Variants in LIPK observed in about 807,000 individuals in gnomAD.
LIPK encodes the protein lipase family member K.
LIPK carries 32 observed loss-of-function variants against 48.6 expected under a neutral mutation model. The observed-to-expected ratio is 0.66, with a 90% CI of 0.50 to 0.88. The LOEUF (loss-of-function observed/expected upper bound fraction) is 0.88, where lower values mean the gene tolerates loss of function less well. LIPK is among the 40% of genes least tolerant of loss of function. LIPK has a pLI of 0.00. For missense variants in LIPK, 507 were observed against 478.5 expected, an observed-to-expected ratio of 1.06 and a Z score of -0.56; for synonymous variants, 164 against 157.4, an observed-to-expected ratio of 1.04 and a Z score of -0.32.
intron 8 of LIPK, among the ~76,000 whole-genome samples, chr10:88,740,663 C>T (rs1312026175): frequency 1.3e-5 from 2 of 152,184 alleles, no homozygotes; most frequent in African/African-American, 2.4e-5. Flanking sequence ...CACGTGCATG[C>T]ACATTCATTT....
At position 88,743,106 on chromosome 10, in the gene LIPK, T is replaced by C. The variant is rs1210271351; in HGVS notation, c.889-144T>C. On this transcript the variant is annotated intron_variant, in intron 8 of 9. Transcript: ENST00000404190. ...CGATAAGATTTATCATTTTTATTACTTATTTTCTTAATCTTTATTGAAATT... is the reference window on the plus strand; with the variant it reads ...CGATAAGATTTATCATTTTTATTACCTATTTTCTTAATCTTTATTGAAATT... 5.5e-6 allele frequency: 3 copies of C among 546,740 alleles called. No homozygotes were observed. In the African/African-American group the frequency reaches 5.7e-5, roughly 10 times the overall value. The allele number at this position is 546,740 out of a possible 1,614,324, so 33.9% of individuals were successfully genotyped here. A position where few individuals can be genotyped will look rare whatever the true frequency, so the allele number is the denominator to read the frequency against.
chr10:88,720,549 G>T (rs1458566995), intron 1 of LIPK, among the ~76,000 whole-genome samples: 1 of 152,116 alleles, frequency 6.6e-6, no homozygotes, highest in Admixed American at 6.6e-5. Context: ...CGGCAGAAAA[G>T]TAGGTTAAAT....
chr10:88,735,830 G>C (rs772152284), intron 6 of LIPK, among the ~76,000 whole-genome samples: 6 of 152,202 alleles, frequency 3.9e-5, no homozygotes, highest in Non-Finnish European at 7.4e-5. Context: ...CTGCTGGCTG[G>C]CCTGCATTAA....
intron 1 of LIPK, among the ~76,000 whole-genome samples, chr10:88,717,298 T>C (rs958132865): frequency 1.3e-5 from 2 of 152,210 alleles, no homozygotes; most frequent in Admixed American, 6.5e-5. Flanking sequence ...TCCTTAACTT[T>C]GCTTGAGTTA....
intron 6 of LIPK, among the ~76,000 whole-genome samples, chr10:88,734,139 C>T (rs1208150556): frequency 6.6e-6 from 1 of 152,202 alleles, no homozygotes; most frequent in Non-Finnish European, 1.5e-5. Context: ...ATATGACCTA[C>T]TAATTCCTAG....
intron 6 of LIPK, 56 bp from the exon 7 acceptor site, chr10:88,737,579 T>C: frequency 1.9e-6 from 3 of 1,580,732 alleles, no homozygotes; most frequent in Non-Finnish European, 2.6e-6. Context: ...TATCTCTTTC[T>C]CCACTTTTGA....
At chr10:88,742,382 A>G (rs571062089) in intron 8 of LIPK, among the ~76,000 whole-genome samples, 4 of 152,358 alleles carry the variant, frequency 2.6e-5, no homozygotes, top group South Asian at 4.1e-4. Flanking sequence ...GATGAGAATA[A>G]TTTTAAACTA....
chr10:88,727,855 G>GTGGTTCC (rs1842376166), intron 3 of LIPK: 1 of 370,930 alleles, frequency 2.7e-6, no homozygotes, highest in Non-Finnish European at 5.2e-6. Context: ...TTGACAAAGT[G>GTGGTTCC]TGGTTCCTGG....
intron 7 of LIPK, 142 bp downstream of exon 7, chr10:88,737,923 T>A (rs1842607434): frequency 1.2e-6 from 1 of 851,686 alleles, no homozygotes; most frequent in South Asian, 1.7e-5. Flanking sequence ...TGGCTTCCAA[T>A]GAGGGTTGAG....
chr10:88,716,716 T>C (rs1842126657), intron 1 of LIPK, among the ~76,000 whole-genome samples: 1 of 151,966 alleles, frequency 6.6e-6, no homozygotes, highest in African/African-American at 2.4e-5. Context: ...GATTCTGGAA[T>C]TGAAATAAAA....
chr10:88,710,116 T>C (rs1040939789), intron 1 of LIPK, among the ~76,000 whole-genome samples: 2 of 151,882 alleles, frequency 1.3e-5, no homozygotes, highest in Non-Finnish European at 2.9e-5. Flanking sequence ...TTAATGGACT[T>C]ATCTACAAGA....
chr10:88,735,295 A>G (rs1178408323), intron 6 of LIPK, among the ~76,000 whole-genome samples: 1 of 152,014 alleles, frequency 6.6e-6, no homozygotes, highest in Non-Finnish European at 1.5e-5. Context: ...TTGTCATTCT[A>G]CTTTCTTTCT....
chr10:88,730,414 C>T (rs1046740047), intron 3 of LIPK, among the ~76,000 whole-genome samples: 1 of 152,034 alleles, frequency 6.6e-6, no homozygotes, highest in Non-Finnish European at 1.5e-5. Context: ...CTCAGCCTCC[C>T]GAGTAGCTGG....
chr10:88,716,821 T>C (rs1842128581), intron 1 of LIPK, among the ~76,000 whole-genome samples: 1 of 152,120 alleles, frequency 6.6e-6, no homozygotes, highest in South Asian at 2.1e-4. Context: ...TCCTGAAGGC[T>C]TGAGGGAATA....
chr10:88,717,863 A>AGGC (rs1564974817), intron 1 of LIPK, among the ~76,000 whole-genome samples: 3 of 151,912 alleles, frequency 2.0e-5, no homozygotes, highest in Non-Finnish European at 2.9e-5. Context: ...CAGGTTGCCT[A>AGGC]AACTTGTATT....
chr10:88,732,990 T>A (rs1395708157), intron 6 of LIPK, among the ~76,000 whole-genome samples: 2 of 152,262 alleles, frequency 1.3e-5, no homozygotes, highest in Non-Finnish European at 2.9e-5. Flanking sequence ...TCTCTTCATC[T>A]GTAATGTGGG....
intron 2 of LIPK, among the ~76,000 whole-genome samples, chr10:88,726,097 A>G (rs537938435): frequency 5.9e-5 from 9 of 152,050 alleles, no homozygotes; most frequent in African/African-American, 2.2e-4. Context: ...CTCTTCTTTC[A>G]AGTCTGTTTG....
At chr10:88,718,268 A>G (rs1842157036) in intron 1 of LIPK, among the ~76,000 whole-genome samples, 1 of 149,302 alleles carries the variant, frequency 6.7e-6, no homozygotes, top group East Asian at 1.9e-4. Context: ...ATATATATAC[A>G]TACATATTAT....
At chr10:88,719,244 C>T (rs1454198898) in intron 1 of LIPK, among the ~76,000 whole-genome samples, 2 of 152,186 alleles carry the variant, frequency 1.3e-5, no homozygotes, top group African/African-American at 2.4e-5. Context: ...GCCAACCCTA[C>T]ACGTAGGTGT....
Sources: gnomAD v4.1 joint callset for allele counts (sites outside exome capture counted in the v4.1 genomes callset) on GRCh38, gnomAD v4.1.1 for gene constraint, MANE v1.5 for transcripts, NCBI Gene and HGNC (gene_info 2026-07-23, HGNC 2026-07-21) for gene names.